Variants in NKX2-3 observed in about 807,000 individuals in gnomAD.
The protein encoded by NKX2-3 is homeobox protein Nkx-2.3.
Under a neutral mutation model 14.2 loss-of-function variants are expected in NKX2-3, and 3 were observed. The ratio of observed to expected loss-of-function variants is 0.21; its 90% CI spans 0.10 to 0.55. NKX2-3 has a LOEUF of 0.55. Among genes scored for constraint, NKX2-3 ranks in the 20% least tolerant of loss-of-function variants. NKX2-3 has a pLI of 0.94. For synonymous variants in NKX2-3, 276 were observed against 234.2 expected (o/e 1.18, Z -1.63); for missense variants, 511 against 514.5 (o/e 0.99, Z 0.06).
Position 99,534,988 on chromosome 10 carries a change from G to A in NKX2-3, c.362G>A (p.Ser121Asn), listed in dbSNP as rs563597346. The A allele has an allele frequency of 5.6e-6, 9 of 1,593,628 alleles. No homozygotes were observed. In the South Asian group the frequency reaches 1.0e-4, roughly 18 times the overall value. Residue 121 changes from serine to asparagine, a missense_variant, in exon 2 of 2, where the codon AGC (serine) becomes AAC (asparagine). Ser to Asn is a conservative substitution (Grantham distance 46). Transcript: ENST00000344586. ...CTGTTGTTTGCTTCTTCCGCAGAAAGCTGCCAGCTGAAGAAGTCTCTAGAG... is the reference window on the plus strand; with the variant it reads ...CTGTTGTTTGCTTCTTCCGCAGAAAACTGCCAGCTGAAGAAGTCTCTAGAG... ...PEVVRDRSQK[S>N]CQLKKSLETA...
chr10:99,535,895 C>A lies in NKX2-3; in HGVS notation c.*174C>A. The A allele has an allele frequency of 2.7e-6, 2 of 736,960 alleles. No homozygotes were observed. The highest frequency in any genetic ancestry group is 4.1e-6 in the Non-Finnish European group (2 of 488,264). 45.7% of individuals were successfully genotyped at this position (736,960 alleles called of 1,614,324 possible). On this transcript the variant is annotated 3_prime_UTR_variant, in exon 2 of 2. Coordinates refer to ENST00000344586, the MANE Select transcript of NKX2-3 (RefSeq NM_145285.3). ...AGGCCTGGGGAAGGGGACTCAGGGG[C>A]GAGGAGGATGACTGGGTCCGGTCGC...
Position 99,535,497 on chromosome 10 carries a change from T to C in NKX2-3, c.871T>C (p.Tyr291His). The C allele has an allele frequency of 2.6e-6, 3 of 1,173,700 alleles. No homozygotes were observed. The highest frequency in any genetic ancestry group is 2.1e-6 in the Non-Finnish European group (2 of 948,728). 72.7% of individuals were successfully genotyped at this position (1,173,700 alleles called of 1,614,324 possible). ...AAAAAAYSSSYGCAYPAGGGG... is the reference protein window; with the variant it reads ...AAAAAAYSSSHGCAYPAGGGG... ...AGCAGCGGCGGCCTACAGCAGCAGCTATGGCTGTGCGTACCCGGCGGGCGG... is the reference window on the plus strand; with the variant it reads ...AGCAGCGGCGGCCTACAGCAGCAGCCATGGCTGTGCGTACCCGGCGGGCGG... The change falls in exon 2 of 2, where the codon TAT becomes CAT. Residue 291 changes from tyrosine (Y) to histidine (H), a missense_variant. Physicochemically the swap from Tyr to His is moderately conservative, Grantham distance 83. Transcript: ENST00000344586.
At position 99,535,656 on chromosome 10, in the gene NKX2-3, C is replaced by T; in HGVS notation, c.1030C>T (p.His344Tyr). ...CAGCGGCGGCAGCGCACAGCCGTTG[C>T]ACCAGGGTACTGCAGCCGGGGCCGC... is the stretch of plus-strand genomic sequence containing the variant. ...FGSGGSAQPL[H>Y]QGTAAGAACA... The change falls in exon 2 of 2, where the codon CAC (histidine) becomes TAC (tyrosine). Residue 344 changes from histidine (H) to tyrosine (Y), a missense_variant. His to Tyr is a moderately conservative substitution (Grantham distance 83, BLOSUM62 2). Around this residue, in one of 3 missense-constraint regions of NKX2-3, gnomAD observed 264 missense variants for 254.7 expected, o/e 1.04. Coordinates refer to ENST00000344586, the MANE Select transcript of NKX2-3 (RefSeq NM_145285.3). 6.5e-7 allele frequency: 1 copy of T among 1,537,172 alleles called. No individual in the cohort carries two copies. Among genetic ancestry groups the T allele is most frequent in the Non-Finnish European group, 8.7e-7 (1 of 1,145,386 alleles).
At chr10:99,533,548 C>A in intron 1 of NKX2-3, 59 bp downstream of exon 1, 1 of 1,310,034 alleles carries the variant, frequency 7.6e-7, no homozygotes, top group Non-Finnish European at 1.0e-6. Flanking sequence ...AGAGCGCACA[C>A]AAACAGCCCA....
In NKX2-3 at chr10:99,535,194, A is replaced by G; in HGVS notation, c.568A>G (p.Thr190Ala). 6.2e-7 allele frequency: 1 copy of G among 1,613,298 alleles called. No homozygotes were observed. The highest frequency in any genetic ancestry group is 8.5e-7 in the Non-Finnish European group (1 of 1,179,826). ...HLASSLKLTSTQVKIWFQNRR... is the reference protein window; with the variant it reads ...HLASSLKLTSAQVKIWFQNRR... ...CGCCAGCAGCCTGAAGCTCACATCC[A>G]CTCAGGTGAAAATCTGGTTCCAGAA... Residue 190 changes from threonine to alanine, a missense_variant, in exon 2 of 2, where the codon ACT becomes GCT. By Grantham distance (58) the Thr-to-Ala change is moderately conservative. Transcript: ENST00000344586.
chr10:99,533,087 C>A lies in NKX2-3; in HGVS notation c.-45C>A. On this transcript the variant is annotated 5_prime_UTR_variant, in exon 1 of 2. Coordinates refer to ENST00000344586, the MANE Select transcript of NKX2-3 (RefSeq NM_145285.3). ...TGGAGCCGCCGCGCTGCCTCCCCGC[C>A]CCCGCCGGGATTTATTATTTGGACT... 1.4e-6 allele frequency: 2 copies of A among 1,419,996 alleles called. No individual in the cohort carries two copies. Among genetic ancestry groups the A allele is most frequent in the South Asian group, 1.4e-5 (1 of 71,758 alleles). The allele number at this position is 1,419,996 out of a possible 1,614,324, so 88.0% of individuals were successfully genotyped here. A position where few individuals can be genotyped will look rare whatever the true frequency, so the allele number is the denominator to read the frequency against.
rs2033962497 is a variant in NKX2-3, at chr10:99,535,695, A to T, written c.1069A>T (p.Thr357Ser). The T allele has an allele frequency of 2.0e-6, 3 of 1,535,434 alleles. No homozygotes were observed. The highest frequency in any genetic ancestry group is 3.9e-5 in the Admixed American group (2 of 50,906). Reference sequence around the variant, plus strand: ...AGCCGGGGCCGCGTGCGCTCAGGGCACCTTGCAGGGCATCCGGGCCTGGTA... The same window carrying T: ...AGCCGGGGCCGCGTGCGCTCAGGGCTCCTTGCAGGGCATCCGGGCCTGGTA... ...TAAGAACAQG[T>S]LQGIRAW The change falls in exon 2 of 2, where the codon ACC becomes TCC. Residue 357 changes from threonine to serine, a missense_variant. Physicochemically the swap from Thr to Ser is moderately conservative, Grantham distance 58. Around this residue, in one of 3 missense-constraint regions of NKX2-3, gnomAD observed 264 missense variants for 254.7 expected, o/e 1.04. Coordinates refer to ENST00000344586, the MANE Select transcript of NKX2-3 (RefSeq NM_145285.3).
At position 99,535,996 on chromosome 10, in the gene NKX2-3, G is replaced by A. The variant is rs1271944847; in HGVS notation, c.*275G>A. 2.0e-6 allele frequency: 1 copy of A among 488,980 alleles called. No homozygotes were observed. Among genetic ancestry groups the A allele is most frequent in the East Asian group, 3.9e-5 (1 of 25,462 alleles). 30.3% of individuals were successfully genotyped at this position (488,980 alleles called of 1,614,324 possible). On this transcript the variant is annotated 3_prime_UTR_variant, in exon 2 of 2. Coordinates refer to ENST00000344586, the MANE Select transcript of NKX2-3 (RefSeq NM_145285.3). Reference sequence around the variant, plus strand: ...GGCCCCGACCCTGGCAGCGAGAGGAGACCAGGAGGCTAGGACCCTGGCCGC... The same window carrying A: ...GGCCCCGACCCTGGCAGCGAGAGGAAACCAGGAGGCTAGGACCCTGGCCGC...
chr10:99,535,345 CG>C lies in NKX2-3; in HGVS notation c.720del (p.Ser242AlafsTer85). The C allele has an allele frequency of 6.6e-7, 1 of 1,508,412 alleles. No homozygotes were observed. The highest frequency in any genetic ancestry group is 8.8e-7 in the Non-Finnish European group (1 of 1,132,642). 93.4% of individuals were successfully genotyped at this position (1,508,412 alleles called of 1,614,324 possible). ...VLVRDGKPCV[T>X]PSAQAYGAPY... ...GTGCGGGACGGCAAGCCGTGCGTCA[CG>C]CCCAGCGCGCAGGCCTACGGCGCGC... On this transcript the variant is annotated frameshift_variant, in exon 2 of 2. Coordinates refer to ENST00000344586, the MANE Select transcript of NKX2-3 (RefSeq NM_145285.3). LOFTEE classifies it low-confidence loss of function (END_TRUNC).
rs1286528281 is a variant in NKX2-3 at position 99,533,189 on chromosome 10, C to T, written c.58C>T (p.Leu20=). The change falls in exon 1 of 2, where the codon CTG becomes TTG. Residue 20 remains leucine (L), a synonymous_variant. Coordinates refer to ENST00000344586, the MANE Select transcript of NKX2-3 (RefSeq NM_145285.3). ...TTTCTCAGTCAAAGACATTTTGAAT[C>T]TGGAGCAGCAGCACCAGCACTTCCA... ...TPFSVKDILN[L]EQQHQHFHGA... 1 of 1,594,512 alleles carries T rather than the reference C, an allele frequency of 6.3e-7. No homozygotes were observed. The highest frequency in any genetic ancestry group is 1.7e-5 in the Admixed American group (1 of 59,250).
rs1271711676 is a variant in NKX2-3 at position 99,535,763 on chromosome 10, G to C, written c.*42G>C. 17 of 1,508,284 alleles carry C rather than the reference G, an allele frequency of 1.1e-5. No homozygotes were observed. Among genetic ancestry groups the C allele is most frequent in the Non-Finnish European group, 1.5e-5 (17 of 1,136,060 alleles). The allele number at this position is 1,508,284 out of a possible 1,614,324, so 93.4% of individuals were successfully genotyped here. A position where few individuals can be genotyped will look rare whatever the true frequency, so the allele number is the denominator to read the frequency against. On this transcript the variant is annotated 3_prime_UTR_variant, in exon 2 of 2. Coordinates refer to ENST00000344586, the MANE Select transcript of NKX2-3 (RefSeq NM_145285.3). ...GCGGCGGGCACCCCAGCGCAGCCTGGCGCCGCGGGACTGAAGCTCGAGAAG... is the reference window on the plus strand; with the variant it reads ...GCGGCGGGCACCCCAGCGCAGCCTGCCGCCGCGGGACTGAAGCTCGAGAAG...
chr10:99,533,120 T>TA lies in NKX2-3; in HGVS notation c.-10dup. ...GGATTTATTATTTGGACTGGACAAT[T>TA]AAGTGGCCCTGATGATGTTACCAAG... On this transcript the variant is annotated 5_prime_UTR_variant, in exon 1 of 2. Transcript: ENST00000344586. 6.6e-7 allele frequency: 1 copy of TA among 1,526,486 alleles called. No individual in the cohort carries two copies. The highest frequency in any genetic ancestry group is 8.8e-7 in the Non-Finnish European group (1 of 1,130,062). 94.6% of individuals were successfully genotyped at this position (1,526,486 alleles called of 1,614,324 possible). A position where few individuals can be genotyped will look rare whatever the true frequency, so the allele number is the denominator to read the frequency against.
chr10:99,533,010 G>A lies in NKX2-3; in HGVS notation c.-122G>A, dbSNP rs1051574600. On this transcript the variant is annotated 5_prime_UTR_variant, in exon 1 of 2. Transcript: ENST00000344586. ...AGGCGATTTAGACTGGAGTGGGACC[G>A]CGTCTGTCAAAAGCCCGACTCGGCA... The A allele has an allele frequency of 1.4e-5, 10 of 708,864 alleles. No homozygotes were observed. Among genetic ancestry groups the A allele is most frequent in the Middle Eastern group, 3.1e-4 (1 of 3,176 alleles). The allele number at this position is 708,864 out of a possible 1,614,324, so 43.9% of individuals were successfully genotyped here.
Position 99,532,991 on chromosome 10 carries a change from T to G in NKX2-3, c.-141T>G. On this transcript the variant is annotated 5_prime_UTR_variant, in exon 1 of 2. Coordinates refer to ENST00000344586, the MANE Select transcript of NKX2-3 (RefSeq NM_145285.3). ...CCCAGGTCCCGGCCAATGGAGGCGA[T>G]TTAGACTGGAGTGGGACCGCGTCTG... The G allele has an allele frequency of 1.6e-6, 1 of 639,418 alleles. No homozygotes were observed. Among genetic ancestry groups the G allele is most frequent in the Non-Finnish European group, 2.8e-6 (1 of 360,666 alleles). The allele number at this position is 639,418 out of a possible 1,614,324, so 39.6% of individuals were successfully genotyped here.
rs1348464086 is a variant in NKX2-3, at chr10:99,533,343, C to G, written c.212C>G (p.Ser71Cys). 2 of 1,612,376 alleles carry G rather than the reference C, an allele frequency of 1.2e-6. No homozygotes were observed. Among genetic ancestry groups the G allele is most frequent in the South Asian group, 1.1e-5 (1 of 90,726 alleles). The change falls in exon 1 of 2, where the codon TCC (serine) becomes TGC (cysteine). Residue 71 changes from serine (S) to cysteine (C), a missense_variant. Coordinates refer to ENST00000344586, the MANE Select transcript of NKX2-3 (RefSeq NM_145285.3). ...EDEEDEGEKL[S>C]YLNSLAAADG... ...GAGGAAGACGAGGGCGAGAAATTGT[C>G]CTATTTGAACTCACTAGCCGCAGCA...
In NKX2-3 at chr10:99,535,098, G is replaced by A; in HGVS notation, c.472G>A (p.Ala158Thr). The A allele has an allele frequency of 3.7e-6, 6 of 1,610,278 alleles. No individual in the cohort carries two copies. Among genetic ancestry groups the A allele is most frequent in the Non-Finnish European group, 5.1e-6 (6 of 1,178,602 alleles). The change falls in exon 2 of 2, where the codon GCC (alanine) becomes ACC (threonine). Residue 158 changes from alanine (A) to threonine (T), a missense_variant. This residue lies in a region of NKX2-3 where 243 missense variants were observed against 242.3 expected (regional missense o/e 1.00). Transcript: ENST00000344586. ...RRKPRVLFSQ[A>T]QVFELERRFK... Reference sequence around the variant, plus strand: ...GAAGCCCCGGGTCCTCTTCTCGCAAGCCCAGGTCTTCGAGCTGGAACGCAG... The same window carrying A: ...GAAGCCCCGGGTCCTCTTCTCGCAAACCCAGGTCTTCGAGCTGGAACGCAG...
At chr10:99,534,899 C>T (rs1194053195) in intron 1 of NKX2-3, 86 bp from the exon 2 acceptor site, 2 of 1,473,372 alleles carry the variant, frequency 1.4e-6, no homozygotes, top group African/African-American at 2.8e-5. Context: ...TCTGCGCAGC[C>T]ACCAAAAAGG....
In NKX2-3 at chr10:99,535,558, C is replaced by T; in HGVS notation, c.932C>T (p.Thr311Ile). Residue 311 changes from threonine to isoleucine, a missense_variant, in exon 2 of 2, where the codon ACT becomes ATT. Physicochemically the swap from Thr to Ile is moderately conservative, Grantham distance 89. Coordinates refer to ENST00000344586, the MANE Select transcript of NKX2-3 (RefSeq NM_145285.3). Reference protein sequence around the residue: ...GGGGGTSAATTAMQPACSAAG... With the variant: ...GGGGGTSAATIAMQPACSAAG... ...GGCGGCGGGACCTCCGCGGCGACCACTGCCATGCAGCCCGCCTGCAGCGCG... is the reference window on the plus strand; with the variant it reads ...GGCGGCGGGACCTCCGCGGCGACCATTGCCATGCAGCCCGCCTGCAGCGCG... 6.8e-7 allele frequency: 1 copy of T among 1,467,204 alleles called. No homozygotes were observed. Among genetic ancestry groups the T allele is most frequent in the Non-Finnish European group, 9.0e-7 (1 of 1,116,234 alleles). The allele number at this position is 1,467,204 out of a possible 1,614,324, so 90.9% of individuals were successfully genotyped here.
At chr10:99,534,962 G>A (rs1341447254) in intron 1 of NKX2-3, 23 bp from the exon 2 acceptor site, 2 of 1,571,832 alleles carry the variant, frequency 1.3e-6, no homozygotes, top group Non-Finnish European at 1.7e-6. Context: ...AGCTAAGGAC[G>A]CTGTTGTTTG....
Sources: gnomAD v4.1 joint callset for allele counts on GRCh38, gnomAD v4.1.1 for gene constraint, gnomAD v4.1.1 regional missense constraint, MANE v1.5 for transcripts, NCBI Gene and HGNC (gene_info 2026-07-23, HGNC 2026-07-21) for gene names.